Variants in TENM1 observed in about 807,000 individuals in gnomAD.
TENM1 encodes teneurin transmembrane protein 1.
A neutral mutation model predicts 174.8 loss-of-function variants in TENM1; 35 were observed. That is an observed-to-expected ratio of 0.20 (90% confidence interval 0.15 to 0.27). The LOEUF is 0.27. TENM1 is among the 10% of genes least tolerant of loss of function. TENM1 has a pLI of 1.00. For synonymous variants in TENM1, 781 were observed against 798.7 expected (o/e 0.98, Z 0.37); for missense variants, 1,633 against 2,130.1 (o/e 0.77, Z 4.59).
chrX:125,169,850 G>A, the TENM1 span, among the ~76,000 whole-genome samples: 1 of 109,997 alleles, frequency 9.1e-6, no homozygotes, highest in Non-Finnish European at 1.9e-5. Context: ...GTAAGTGTGG[G>A]AAATAACATA....
chrX:125,203,556 C>A, the TENM1 span, among the ~76,000 whole-genome samples: 15 of 112,386 alleles, frequency 1.3e-4, no homozygotes, highest in African/African-American at 4.5e-4. Flanking sequence ...ACAAGGCCGA[C>A]CTCCCTTCTG....
chrX:124,850,622 G>A (rs138276640), intron 3 of TENM1, among the ~76,000 whole-genome samples: 2 of 111,040 alleles, frequency 1.8e-5, no homozygotes, highest in Non-Finnish European at 3.8e-5. Context: ...GGAATGACTC[G>A]ATTTTATTTT....
intron 5 of TENM1, among the ~76,000 whole-genome samples, chrX:124,692,568 T>C (rs992496381): frequency 9.1e-6 from 1 of 109,697 alleles, no homozygotes; most frequent in Non-Finnish European, 1.9e-5. Flanking sequence ...CTGAAAGTGG[T>C]GGGTCAAAAT....
At chrX:124,437,104 ATTTTTTTTTTTTTTT>A (rs35632932) in intron 23 of TENM1, among the ~76,000 whole-genome samples, 2 of 34,908 alleles carry the variant, frequency 5.7e-5, no homozygotes, top group Non-Finnish European at 9.4e-5. Flanking sequence ...TGCTCGGCTA[ATTTTTTTTTTTTTTT>A]TTTTTTTTTT....
exon 31 of TENM1, chrX:124,382,789 A>G: frequency 8.3e-7 from 1 of 1,201,897 alleles, no homozygotes; most frequent in Non-Finnish European, 1.1e-6. Flanking sequence ...TGGAAACCAA[A>G]TAGCTCCAAC....
intron 11 of TENM1, among the ~76,000 whole-genome samples, chrX:124,635,361 C>G (rs2050855260): frequency 8.9e-6 from 1 of 112,180 alleles, no homozygotes; most frequent in Non-Finnish European, 1.9e-5. Flanking sequence ...TATAACAAAG[C>G]CTTCTGACAT....
In TENM1 at chrX:124,499,763, G is replaced by A. The variant is rs149434608; in HGVS notation, c.3446-2498C>T. Among the ~76,000 whole-genome samples, 874 of 111,714 alleles carry A rather than the reference G, an allele frequency of 7.8e-3. 9 individuals carry two copies. The highest frequency in any genetic ancestry group is 0.027 in the African/African-American group (825 of 30,809). On this transcript the variant is annotated intron_variant, in intron 19 of 31. Coordinates refer to ENST00000422452, the Ensembl canonical transcript of TENM1. ...CAACATCATTGAAGAGAAATCTCCC[G>A]ATGATTGCTAACAGAATATTCTACA... is the stretch of plus-strand genomic sequence containing the variant.
At chrX:124,653,958 C>T (rs1320331373) in intron 6 of TENM1, among the ~76,000 whole-genome samples, 175 bp from the exon 10 acceptor site, 2 of 111,883 alleles carry the variant, frequency 1.8e-5, no homozygotes, top group Admixed American at 9.5e-5. Flanking sequence ...AGAAGCCTTC[C>T]CCAACCACCC....
chrX:124,881,431 G>A (rs2057300073), intron 3 of TENM1, among the ~76,000 whole-genome samples: 1 of 109,487 alleles, frequency 9.1e-6, no homozygotes, highest in African/African-American at 3.3e-5. Flanking sequence ...TTTTTTTTTG[G>A]TTAATGGTTT....
At chrX:124,420,282 A>G in intron 25 of TENM1, 29 bp downstream of exon 28, 1 of 1,174,698 alleles carries the variant, frequency 8.5e-7, no homozygotes, top group South Asian at 1.9e-5. Context: ...AAAACCTAAC[A>G]AAGCCCATGT....
At chrX:124,998,467 C>T in the TENM1 span, among the ~76,000 whole-genome samples, 1 of 99,899 alleles carries the variant, frequency 1.0e-5, no homozygotes, top group Non-Finnish European at 2.0e-5. Context: ...AGAAGGTGAA[C>T]AAGTATTTCT....
chrX:124,657,927 T>C (rs1024093633), intron 6 of TENM1, among the ~76,000 whole-genome samples: 4 of 112,366 alleles, frequency 3.6e-5, no homozygotes, highest in African/African-American at 9.7e-5. Flanking sequence ...TCAAAATCTT[T>C]AAAAGATATT....
At chrX:124,642,382 A>C (rs188722591) in intron 10 of TENM1, among the ~76,000 whole-genome samples, 159 of 112,443 alleles carry the variant, frequency 1.4e-3, no homozygotes, top group African/African-American at 5.0e-3. Context: ...TGAAAATGGA[A>C]GCGATAGCTC....
chrX:124,920,984 T>C (rs1219911610), intron 1 of TENM1, among the ~76,000 whole-genome samples: 1 of 104,885 alleles, frequency 9.5e-6, no homozygotes, highest in Non-Finnish European at 2.0e-5. Flanking sequence ...TCCCTTTATA[T>C]AACAAGACTT....
intron 3 of TENM1, among the ~76,000 whole-genome samples, chrX:124,884,385 G>A (rs1186792982): frequency 9.1e-6 from 1 of 109,905 alleles, no homozygotes; most frequent in Non-Finnish European, 1.9e-5. Flanking sequence ...TTTGGGGGTG[G>A]GTGGGGGGTG....
chrX:124,776,927 TA>T (rs977541869), intron 3 of TENM1, among the ~76,000 whole-genome samples: 1 of 111,357 alleles, frequency 9.0e-6, no homozygotes, highest in African/African-American at 3.3e-5. Context: ...TTTATTATTT[TA>T]TTTTTTTTAA....
chrX:124,916,395 C>A (rs2057924893), intron 1 of TENM1, among the ~76,000 whole-genome samples: 1 of 111,142 alleles, frequency 9.0e-6, no homozygotes, highest in Admixed American at 9.6e-5. Flanking sequence ...GTAACCTCGA[C>A]CTCCTGGGTT....
At chrX:124,712,394 A>G (rs1381978070) in intron 4 of TENM1, among the ~76,000 whole-genome samples, 2 of 111,143 alleles carry the variant, frequency 1.8e-5, no homozygotes, top group African/African-American at 6.6e-5. Context: ...AATGATTCTC[A>G]TGGGTGTGAG....
the TENM1 span, among the ~76,000 whole-genome samples, chrX:125,116,260 G>A: frequency 3.6e-5 from 4 of 112,058 alleles, no homozygotes; most frequent in Admixed American, 2.8e-4. Context: ...AGACTTAAAC[G>A]TAAAACCTAA....
Sources: gnomAD v4.1 joint callset for allele counts (sites outside exome capture counted in the v4.1 genomes callset) on GRCh38, gnomAD v4.1.1 for gene constraint, MANE v1.5 for transcripts, NCBI Gene and HGNC (gene_info 2026-07-23, HGNC 2026-07-21) for gene names.